L3MBTL4: variants seen among roughly 807,000 people sequenced by gnomAD.
L3MBTL4 encodes L3MBTL histone methyl-lysine binding protein 4, also known as lethal(3)malignant brain tumor-like protein 4.
Under a neutral mutation model 84.5 loss-of-function variants are expected in L3MBTL4, and 70 were observed. The observed-to-expected ratio is 0.83, with a 90% CI of 0.68 to 1.01. The LOEUF (loss-of-function observed/expected upper bound fraction) is 1.01, where lower values mean the gene tolerates loss of function less well. Among genes scored for constraint, L3MBTL4 ranks in the 50% least tolerant of loss-of-function variants. L3MBTL4 has a pLI of 0.00. For missense variants in L3MBTL4, 715 were observed against 754.8 expected (o/e 0.95, Z 0.62); for synonymous variants, 274 against 259.8 (o/e 1.05, Z -0.52).
At chr18:6,310,173 C>T (rs1463077056) in intron 3 of L3MBTL4, among the ~76,000 whole-genome samples, 3 of 152,228 alleles carry the variant, frequency 2.0e-5, no homozygotes, top group Non-Finnish European at 4.4e-5. Flanking sequence ...TGCTCTGATT[C>T]CTCAGAGGAC....
chr18:6,214,018 C>A (rs931628838), intron 11 of L3MBTL4, among the ~76,000 whole-genome samples: 1 of 152,130 alleles, frequency 6.6e-6, no homozygotes, highest in African/African-American at 2.4e-5. Context: ...AATAAAAACT[C>A]AGAAAGGAGA....
In L3MBTL4 at chr18:5,981,333, T is replaced by A. The variant is rs148271381; in HGVS notation, c.1445-11771A>T. ...TAAAAATTATTAGAACTATGAAAAG[T>A]TCTTTGTTATACAAGTAAAAGAAAT... On this transcript the variant is annotated intron_variant, in intron 16 of 18. Transcript: ENST00000317931. Among the ~76,000 whole-genome samples the A allele has an allele frequency of 5.0e-4, 76 of 152,356 alleles. 1 individual carries two copies. The East Asian group carries it at 0.011, about 21-fold the overall frequency.
At chr18:6,101,456 A>C (rs1246953326) in intron 14 of L3MBTL4, among the ~76,000 whole-genome samples, 1 of 152,184 alleles carries the variant, frequency 6.6e-6, no homozygotes, top group African/African-American at 2.4e-5. Flanking sequence ...ATTTTATTGG[A>C]GACTCCTCCT....
chr18:6,294,473 C>T (rs987575185), intron 4 of L3MBTL4, among the ~76,000 whole-genome samples: 2 of 152,090 alleles, frequency 1.3e-5, no homozygotes, highest in African/African-American at 4.8e-5. Flanking sequence ...AAAAATCAAG[C>T]ATGTTAATGA....
chr18:6,112,427 T>A (rs866195062), intron 14 of L3MBTL4, among the ~76,000 whole-genome samples: 1 of 152,170 alleles, frequency 6.6e-6, no homozygotes, highest in Non-Finnish European at 1.5e-5. Context: ...TCTTTAGGTA[T>A]TAAAATTGAG....
At chr18:6,186,390 G>T (rs1036284897) in intron 12 of L3MBTL4, among the ~76,000 whole-genome samples, 69 of 151,796 alleles carry the variant, frequency 4.5e-4, no homozygotes, top group African/African-American at 1.4e-3. Context: ...AGTGAGCAAA[G>T]AAGCTCCCCT....
At chr18:6,283,729 C>G (rs1187523770) in intron 4 of L3MBTL4, among the ~76,000 whole-genome samples, 1 of 152,122 alleles carries the variant, frequency 6.6e-6, no homozygotes, top group Non-Finnish European at 1.5e-5. Flanking sequence ...GATATATTAT[C>G]TATTACTCCC....
intron 14 of L3MBTL4, among the ~76,000 whole-genome samples, chr18:6,130,491 T>A (rs1159423592): frequency 6.6e-6 from 1 of 152,134 alleles, no homozygotes; most frequent in Admixed American, 6.5e-5. Context: ...TTGTATTGTT[T>A]CAGGTTTGAC....
chr18:6,190,967 G>A (rs1436066721), intron 12 of L3MBTL4, among the ~76,000 whole-genome samples: 1 of 152,166 alleles, frequency 6.6e-6, no homozygotes, highest in Admixed American at 6.5e-5. Context: ...GGAGTAGACA[G>A]CACATGGGAA....
chr18:6,167,732 A>G (rs930306409), intron 13 of L3MBTL4, among the ~76,000 whole-genome samples: 22 of 152,064 alleles, frequency 1.4e-4, no homozygotes, highest in South Asian at 4.2e-4. Context: ...TACTGAATGG[A>G]CAAAAACTGG....
intron 1 of L3MBTL4, among the ~76,000 whole-genome samples, chr18:6,329,856 T>C (rs2051932625): frequency 6.6e-6 from 1 of 152,206 alleles, no homozygotes; most frequent in Non-Finnish European, 1.5e-5. Context: ...AATATTGCCA[T>C]ATTAGGGATT....
At chr18:6,349,067 T>G (rs570570752) in intron 1 of L3MBTL4, among the ~76,000 whole-genome samples, 1 of 152,288 alleles carries the variant, frequency 6.6e-6, no homozygotes, top group South Asian at 2.1e-4. Flanking sequence ...AAGAAGCAAT[T>G]AAAACTCTCG....
Position 6,339,596 on chromosome 18 carries a change from T to TC in L3MBTL4, c.-90-27541_-90-27540insG, listed in dbSNP as rs397770686. Reference sequence around the variant, plus strand: ...AGTTTTTTAAAAAGAAAATCATTTTTATAAGAGAAAATATCAATGGAATGG... The same window carrying TC: ...AGTTTTTTAAAAAGAAAATCATTTTTCATAAGAGAAAATATCAATGGAATGG... On this transcript the variant is annotated intron_variant, in intron 1 of 18. Coordinates refer to ENST00000317931, the MANE Select transcript of L3MBTL4 (RefSeq NM_001330559.2). 7.3e-5 allele frequency among the ~76,000 whole-genome samples: 11 copies of TC among 151,532 alleles called. 1 individual carries two copies. Among genetic ancestry groups the TC allele is most frequent in the African/African-American group, 2.7e-4 (11 of 41,238 alleles).
chr18:6,101,302 T>C (rs2058816985), intron 14 of L3MBTL4, among the ~76,000 whole-genome samples: 1 of 152,214 alleles, frequency 6.6e-6, no homozygotes, highest in Non-Finnish European at 1.5e-5. Flanking sequence ...CCAGCTGGTC[T>C]GCGTCCTTCT....
At chr18:6,411,842 CTGT>C (rs925772513) in intron 1 of L3MBTL4, among the ~76,000 whole-genome samples, 1 of 152,146 alleles carries the variant, frequency 6.6e-6, no homozygotes, top group Non-Finnish European at 1.5e-5. Context: ...CAGTGGTTTT[CTGT>C]TGTTTAAGGA....
intron 4 of L3MBTL4, among the ~76,000 whole-genome samples, chr18:6,295,357 T>C (rs1265047489): frequency 6.8e-6 from 1 of 148,028 alleles, no homozygotes; most frequent in Non-Finnish European, 1.5e-5. Flanking sequence ...TATATATATA[T>C]ATATATATAT....
At chr18:6,286,810 T>C (rs963023460) in intron 4 of L3MBTL4, among the ~76,000 whole-genome samples, 1 of 152,108 alleles carries the variant, frequency 6.6e-6, no homozygotes, top group African/African-American at 2.4e-5. Context: ...TAGGCTGAAC[T>C]CCTGATTGTC....
At chr18:6,143,014 A>G (rs964794478) in intron 13 of L3MBTL4, among the ~76,000 whole-genome samples, 1 of 152,240 alleles carries the variant, frequency 6.6e-6, no homozygotes, top group Non-Finnish European at 1.5e-5. Context: ...CTCACAATAC[A>G]TTATGCAAGC....
chr18:6,229,363 C>A (rs970178001), intron 10 of L3MBTL4, among the ~76,000 whole-genome samples: 4 of 152,118 alleles, frequency 2.6e-5, no homozygotes, highest in Non-Finnish European at 5.9e-5. Flanking sequence ...TCTATATATA[C>A]CCTGGATATT....
Sources: allele counts gnomAD v4.1 joint callset (sites outside exome capture counted in the v4.1 genomes callset), GRCh38; gene constraint gnomAD v4.1.1; transcripts MANE v1.5; gene names NCBI Gene and HGNC (gene_info 2026-07-23, HGNC 2026-07-21).